Variants in KCNN2 observed in about 807,000 individuals in gnomAD.
KCNN2 encodes the protein potassium calcium-activated channel subfamily N member 2.
KCNN2 carries 24 observed loss-of-function variants against 55.5 expected under a neutral mutation model. The observed-to-expected ratio is 0.43, with a 90% CI of 0.31 to 0.61. The LOEUF is 0.61. Among genes scored for constraint, KCNN2 ranks in the 20% least tolerant of loss-of-function variants. The probability of loss-of-function intolerance (pLI) is 0.08; values close to 1 mark genes in which losing one functional copy is unlikely to be tolerated. For missense variants in KCNN2, 754 were observed against 853.6 expected (o/e 0.88, Z 1.45); for synonymous variants, 431 against 336.1 (o/e 1.28, Z -3.09).
At chr5:114,281,815 A>G (rs886624460) in intron 2 of KCNN2, among the ~76,000 whole-genome samples, 10 of 152,092 alleles carry the variant, frequency 6.6e-5, no homozygotes, top group South Asian at 4.2e-4. Flanking sequence ...AATTTAAAGT[A>G]ACTGGATCTG....
chr5:114,265,840 A>G (rs1417805345), intron 2 of KCNN2, among the ~76,000 whole-genome samples: 1 of 152,090 alleles, frequency 6.6e-6, no homozygotes, highest in African/African-American at 2.4e-5. Flanking sequence ...TTTGTTGACT[A>G]CTCACCCTGT....
chr5:114,469,426 G>C (rs1242022404), intron 4 of KCNN2, among the ~76,000 whole-genome samples: 1 of 152,098 alleles, frequency 6.6e-6, no homozygotes, highest in Non-Finnish European at 1.5e-5. Flanking sequence ...GAAGTGACAG[G>C]TTAGTGATTT....
intron 1 of KCNN2, among the ~76,000 whole-genome samples, chr5:114,130,398 A>G (rs2112610801): frequency 6.6e-6 from 1 of 152,316 alleles, no homozygotes; most frequent in South Asian, 2.1e-4. Context: ...TTCGTTCAAG[A>G]AGTTGAGGAC....
intron 1 of KCNN2, among the ~76,000 whole-genome samples, chr5:114,155,055 T>G (rs1352216030): frequency 6.6e-6 from 1 of 152,004 alleles, no homozygotes. Flanking sequence ...CACCCTCAAA[T>G]AGGCCCCAGT....
intron 3 of KCNN2, among the ~76,000 whole-genome samples, chr5:114,436,364 A>G (rs1760003768): frequency 6.6e-6 from 1 of 152,220 alleles, no homozygotes; most frequent in Admixed American, 6.5e-5. Flanking sequence ...TTAGTGTATA[A>G]TCAGTTCAAC....
At chr5:114,261,464 T>G (rs1755106701) in intron 2 of KCNN2, among the ~76,000 whole-genome samples, 1 of 152,166 alleles carries the variant, frequency 6.6e-6, no homozygotes, top group Non-Finnish European at 1.5e-5. Flanking sequence ...CATCAGAATA[T>G]TTTTTACTGG....
At chr5:114,446,704 A>C (rs561999109) in intron 3 of KCNN2, among the ~76,000 whole-genome samples, 1 of 152,200 alleles carries the variant, frequency 6.6e-6, no homozygotes, top group African/African-American at 2.4e-5. Context: ...CAAGTGATCC[A>C]GCTGCCTCAG....
At chr5:114,384,517 A>G (rs369784146) in intron 2 of KCNN2, among the ~76,000 whole-genome samples, 1 of 152,128 alleles carries the variant, frequency 6.6e-6, no homozygotes, top group Admixed American at 6.5e-5. Flanking sequence ...AGTGTGCTTC[A>G]CTCTGGGATT....
At chr5:114,386,839 C>CT (rs1273120647) in intron 2 of KCNN2, among the ~76,000 whole-genome samples, 3 of 152,194 alleles carry the variant, frequency 2.0e-5, no homozygotes, top group African/African-American at 7.2e-5. Context: ...TACTATCCCG[C>CT]ATTTATCAAC....
intron 2 of KCNN2, among the ~76,000 whole-genome samples, chr5:114,309,014 G>C (rs952681894): frequency 5.9e-5 from 9 of 152,126 alleles, no homozygotes; most frequent in African/African-American, 2.2e-4. Flanking sequence ...TAAAGAAATT[G>C]GAATGTTTAA....
rs139880020 is a variant in KCNN2, at chr5:114,271,140, C to T, written c.-185+49575C>T. Among the ~76,000 whole-genome samples, 15 of 152,200 alleles carry T rather than the reference C, an allele frequency of 9.9e-5. 1 individual carries two copies. The East Asian group carries it at 2.9e-3, about 29-fold the overall frequency. Reference sequence around the variant, plus strand: ...CCTGCCCATATCCTGCTGATTGGTCCGTTTTACAGAGTGCTGATTGGTCTG... The same window carrying T: ...CCTGCCCATATCCTGCTGATTGGTCTGTTTTACAGAGTGCTGATTGGTCTG... On this transcript the variant is annotated intron_variant, in intron 2 of 10. Coordinates refer to the KCNN2 transcript ENST00000512097.
intron 1 of KCNN2, among the ~76,000 whole-genome samples, chr5:114,205,827 A>G (rs1476003588): frequency 1.3e-5 from 2 of 152,194 alleles, no homozygotes; most frequent in Admixed American, 6.5e-5. Context: ...TAAAAACCAT[A>G]AGTGATGAAA....
At chr5:114,486,155 A>G (rs948552526) in intron 5 of KCNN2, among the ~76,000 whole-genome samples, 1 of 152,178 alleles carries the variant, frequency 6.6e-6, no homozygotes, top group African/African-American at 2.4e-5. Flanking sequence ...CTAGCACCCC[A>G]GTAACCTGTG....
At chr5:114,227,745 G>C (rs889232722) in intron 2 of KCNN2, among the ~76,000 whole-genome samples, 16 of 152,176 alleles carry the variant, frequency 1.1e-4, no homozygotes, top group Middle Eastern at 3.4e-3. Flanking sequence ...TATTATTTCT[G>C]AATTAAGCCC....
At position 114,241,834 on chromosome 5, in the gene KCNN2, A is replaced by G. The variant is rs867683430; in HGVS notation, c.-185+20269A>G. ...TATATATATATGTGTGTATATATAT[A>G]TATATATATATGGAGTGTGAAGGAC... is the stretch of plus-strand genomic sequence containing the variant. On this transcript the variant is annotated intron_variant, in intron 2 of 10. Coordinates refer to the KCNN2 transcript ENST00000512097. Among the ~76,000 whole-genome samples, 203 of 122,374 alleles carry G rather than the reference A, an allele frequency of 1.7e-3. 41 individuals are homozygous for G. The highest frequency in any genetic ancestry group is 5.9e-3 in the African/African-American group (194 of 33,120). 80.3% of individuals were successfully genotyped at this position (122,374 alleles called of 152,430 possible). A position where few individuals can be genotyped will look rare whatever the true frequency, so the allele number is the denominator to read the frequency against.
rs565572492 is a variant in KCNN2, at chr5:114,316,845, A to G, written c.-184-44100A>G. 7.2e-5 allele frequency among the ~76,000 whole-genome samples: 11 copies of G among 152,316 alleles called. No homozygotes were observed. In the South Asian group the frequency reaches 1.4e-3, roughly 20 times the overall value. ...TGGCCATCTGTACTCATCTGTGAAT[A>G]TAAGTATAGTCAGTCATACCTGAGT... On this transcript the variant is annotated intron_variant, in intron 2 of 10. Coordinates refer to the KCNN2 transcript ENST00000512097.
intron 2 of KCNN2, among the ~76,000 whole-genome samples, chr5:114,224,754 T>G (rs1234308842): frequency 6.6e-6 from 1 of 152,194 alleles, no homozygotes; most frequent in African/African-American, 2.4e-5. Flanking sequence ...CCGGTTGTGC[T>G]GAGCCATGGG....
At chr5:114,385,519 GCACACACA>G (rs10548694) in intron 2 of KCNN2, among the ~76,000 whole-genome samples, 82 of 143,450 alleles carry the variant, frequency 5.7e-4, no homozygotes, top group East Asian at 1.5e-3. Flanking sequence ...ACACATGCGC[GCACACACA>G]CACACACACA....
Position 114,105,772 on chromosome 5 carries a change from C to G in KCNN2, c.-271+49272C>G, listed in dbSNP as rs192399286. Among the ~76,000 whole-genome samples the G allele has an allele frequency of 3.5e-3, 531 of 152,078 alleles. 1 individual carries two copies. Among genetic ancestry groups the G allele is most frequent in the Middle Eastern group, 0.01 (3 of 294 alleles). On this transcript the variant is annotated intron_variant, in intron 1 of 10. Coordinates refer to the KCNN2 transcript ENST00000512097. ...GAGGAAAGTTCATGAATGTCTAATG[C>G]TGGACTGTGGTAAGTCCTCAGTCTT...
Sources: allele counts gnomAD v4.1 joint callset (sites outside exome capture counted in the v4.1 genomes callset), GRCh38; gene constraint gnomAD v4.1.1; transcripts MANE v1.5; gene names NCBI Gene and HGNC (gene_info 2026-07-23, HGNC 2026-07-21).